The following WDR49 variants were observed in gnomAD, a reference collection of about 807,000 sequenced individuals.
The protein encoded by WDR49 is WD repeat domain 49, also known as cilia- and flagella-associated protein 337.
A neutral mutation model predicts 119.5 loss-of-function variants in WDR49; 107 were observed. The observed-to-expected ratio is 0.90, with a 90% CI of 0.77 to 1.05. WDR49 has a LOEUF of 1.05. WDR49 is among the 50% of genes least tolerant of loss of function. WDR49 has a pLI of 0.00. For missense variants in WDR49, 1,240 were observed against 1,220.5 expected, an observed-to-expected ratio of 1.02 and a Z score of -0.24; for synonymous variants, 425 against 418.8, an observed-to-expected ratio of 1.01 and a Z score of -0.18.
rs531149654 is a variant in WDR49, at chr3:167,612,147, A to G, written c.959-7679T>C. ...AATATCAAGTGTTTTCTCTGACCAC[A>G]ATGAATAAAACTAGAAACTACTAAC... On this transcript the variant is annotated intron_variant, in intron 5 of 18. Transcript: ENST00000682715. Among the ~76,000 whole-genome samples, 8 of 152,352 alleles carry G rather than the reference A, an allele frequency of 5.3e-5. No individual in the cohort carries two copies. In the East Asian group the frequency reaches 1.5e-3, roughly 29 times the overall value.
rs369823787 is a variant in WDR49 at position 167,650,961 on chromosome 3, AG to A, written c.165+2299del. 1.9e-3 allele frequency among the ~76,000 whole-genome samples: 292 copies of A among 152,302 alleles called. 2 individuals are homozygous for A. The highest frequency in any genetic ancestry group is 0.013 in the South Asian group (61 of 4,830). The stretch of plus-strand genomic sequence containing the variant: ...AGTAGCAAAGCCGGGATTTAAGCTC[AG>A]GAAATCTGACTCCTAGATCTGAAAC... On this transcript the variant is annotated intron_variant, in intron 2 of 18. Transcript: ENST00000682715.
rs138163238 is a variant in WDR49 at position 167,555,144 on chromosome 3, C to T, written c.1675-346G>A. ...TAGAAGGTGGAAATTTCAGCCCCAC[C>T]CTGAAACCCCTAGGGAGCAGAGAGA... is the stretch of plus-strand genomic sequence containing the variant. On this transcript the variant is annotated intron_variant, in intron 9 of 18. Coordinates refer to ENST00000682715, the MANE Select transcript of WDR49 (RefSeq NM_001366157.1). Among the ~76,000 whole-genome samples the T allele has an allele frequency of 2.4e-3, 372 of 152,138 alleles. 2 individuals are homozygous for T. The highest frequency in any genetic ancestry group is 8.7e-3 in the African/African-American group (360 of 41,498).
intron 3 of WDR49, among the ~76,000 whole-genome samples, chr3:167,622,904 A>G (rs1162984737): frequency 6.6e-6 from 1 of 152,168 alleles, no homozygotes; most frequent in African/African-American, 2.4e-5. Flanking sequence ...TAGAAATTTC[A>G]TTCAACAAAA....
At chr3:167,626,146 T>A (rs946677624) in intron 3 of WDR49, among the ~76,000 whole-genome samples, 1 of 152,012 alleles carries the variant, frequency 6.6e-6, no homozygotes, top group Non-Finnish European at 1.5e-5. Flanking sequence ...AATAGAGACA[T>A]CTTTTAGAAA....
intron 7 of WDR49, among the ~76,000 whole-genome samples, chr3:167,582,381 G>T (rs1474610641): frequency 2.0e-5 from 3 of 152,122 alleles, no homozygotes; most frequent in South Asian, 4.2e-4. Context: ...CTTCAGAAAA[G>T]ATTTTTGCTA....
intron 2 of WDR49, among the ~76,000 whole-genome samples, chr3:167,650,573 T>A (rs1718327791): frequency 6.6e-6 from 1 of 152,236 alleles, no homozygotes; most frequent in Admixed American, 6.5e-5. Flanking sequence ...AGAACAATTA[T>A]GCTTTTGACT....
chr3:167,548,740 C>T (rs745625698), intron 10 of WDR49, among the ~76,000 whole-genome samples: 22 of 152,024 alleles, frequency 1.4e-4, no homozygotes, highest in South Asian at 4.2e-4. Flanking sequence ...ATGTGCACAA[C>T]GTGCAGGTTT....
chr3:167,626,450 A>C (rs1350383747), intron 3 of WDR49, among the ~76,000 whole-genome samples: 1 of 151,980 alleles, frequency 6.6e-6, no homozygotes, highest in Non-Finnish European at 1.5e-5. Context: ...AGATGTTTAG[A>C]CTGAGTGGGC....
chr3:167,609,351 C>G (rs7631175), intron 5 of WDR49, among the ~76,000 whole-genome samples: 4,797 of 152,088 alleles, frequency 0.032, 210 homozygotes, highest in East Asian at 0.17. Flanking sequence ...TCCACCCCTA[C>G]CAGCAACTGC....
intron 8 of WDR49, among the ~76,000 whole-genome samples, chr3:167,574,567 T>C (rs1474145143): frequency 6.6e-6 from 1 of 151,464 alleles, no homozygotes; most frequent in Non-Finnish European, 1.5e-5. Flanking sequence ...TAATGATACA[T>C]CCTACATCAT....
chr3:167,480,255 A>G (rs1290455544), intron 18 of WDR49, among the ~76,000 whole-genome samples: 1 of 148,112 alleles, frequency 6.8e-6, no homozygotes, highest in Admixed American at 6.7e-5. Context: ...TCTAAAAAAA[A>G]AAAAAAAAAA....
chr3:167,493,376 G>A lies in WDR49; in HGVS notation c.3031+6777C>T, dbSNP rs148887392. 5.3e-5 allele frequency among the ~76,000 whole-genome samples: 8 copies of A among 152,258 alleles called. No homozygotes were observed. The East Asian group carries it at 1.5e-3, about 29-fold the overall frequency. ...GAGGCCAACTGTGTGACTCTTCCCT[G>A]TGAACAGCCTTCCCTGTACCCTCTT... On this transcript the variant is annotated intron_variant, in intron 18 of 18. Coordinates refer to ENST00000682715, the MANE Select transcript of WDR49 (RefSeq NM_001366157.1).
rs2108242481 is a variant in WDR49, at chr3:167,531,229, G to A, written c.2104C>T (p.Pro702Ser). 6.2e-7 allele frequency: 1 copy of A among 1,611,564 alleles called. No homozygotes were observed. The highest frequency in any genetic ancestry group is 8.5e-7 in the Non-Finnish European group (1 of 1,179,586). The change falls in exon 13 of 19, where the codon CCC (proline) becomes TCC (serine). Residue 702 changes from proline (P) to serine (S), a missense_variant. Physicochemically the swap from Pro to Ser is moderately conservative, Grantham distance 74. Transcript: ENST00000682715. ...LSAGRSQPSHPMADHSTTGVR... is the reference protein window; with the variant it reads ...LSAGRSQPSHSMADHSTTGVR... ...CCCGTGGTAGAATGGTCTGCCATGG[G>A]GTGGGAGGGTTGGCTTCTCCCAGCA...
chr3:167,540,092 G>A (rs1453123680), intron 10 of WDR49, among the ~76,000 whole-genome samples: 1 of 152,096 alleles, frequency 6.6e-6, no homozygotes. Flanking sequence ...ACAAACTCAG[G>A]ACATTACAGC....
chr3:167,612,676 C>T (rs1046213711), intron 5 of WDR49, among the ~76,000 whole-genome samples: 1 of 152,038 alleles, frequency 6.6e-6, no homozygotes. Context: ...TTAATGGCTA[C>T]TATGAGCAAC....
intron 15 of WDR49, among the ~76,000 whole-genome samples, chr3:167,523,148 G>C (rs1752513240): frequency 6.6e-6 from 1 of 152,088 alleles, no homozygotes; most frequent in Non-Finnish European, 1.5e-5. Context: ...TTTGGCTGGT[G>C]CGCAAATTGA....
At chr3:167,515,460 A>G (rs1752161029) in intron 16 of WDR49, among the ~76,000 whole-genome samples, 1 of 152,218 alleles carries the variant, frequency 6.6e-6, no homozygotes. Context: ...AAAACTCTGA[A>G]TAAAATATAT....
At chr3:167,607,873 C>T (rs1716139316) in intron 5 of WDR49, among the ~76,000 whole-genome samples, 1 of 151,860 alleles carries the variant, frequency 6.6e-6, no homozygotes, top group African/African-American at 2.4e-5. Context: ...TCATCCTTTT[C>T]TCTCTTTTCT....
At chr3:167,571,241 T>C (rs1713921180) in intron 8 of WDR49, among the ~76,000 whole-genome samples, 1 of 152,106 alleles carries the variant, frequency 6.6e-6, no homozygotes, top group Non-Finnish European at 1.5e-5. Flanking sequence ...AAAGCCAGCA[T>C]GCTTCTGGAT....
Sources: allele counts gnomAD v4.1 joint callset (sites outside exome capture counted in the v4.1 genomes callset), GRCh38; gene constraint gnomAD v4.1.1; transcripts MANE v1.5; gene names NCBI Gene and HGNC (gene_info 2026-07-23, HGNC 2026-07-21).